Variants in COL4A1 observed in about 807,000 individuals in gnomAD.
The protein encoded by COL4A1 is collagen alpha-1(IV) chain.
A neutral mutation model predicts 216.6 loss-of-function variants in COL4A1; 40 were observed. That is an observed-to-expected ratio of 0.18 (90% CI 0.14 to 0.24). The LOEUF is 0.24. COL4A1 is among the 10% of genes least tolerant of loss of function. COL4A1 has a pLI of 1.00. For synonymous variants in COL4A1, 839 were observed against 810.7 expected (o/e 1.03, Z -0.59); for missense variants, 1,628 against 2,196.8 (o/e 0.74, Z 5.18).
chr13:110,221,036 T>A (rs1880453363), intron 2 of COL4A1, among the ~76,000 whole-genome samples: 1 of 152,206 alleles, frequency 6.6e-6, no homozygotes, highest in South Asian at 2.1e-4. Context: ...TCTCCAGGTG[T>A]CCATGTTCAA....
chr13:110,245,167 CG>C (rs1881741788), intron 1 of COL4A1, among the ~76,000 whole-genome samples: 1 of 152,092 alleles, frequency 6.6e-6, no homozygotes, highest in Non-Finnish European at 1.5e-5. Context: ...AGGGAAGAGC[CG>C]GGGACTCTGG....
At chr13:110,205,579 T>C (rs1182373428) in intron 15 of COL4A1, 41 bp from the exon 16 acceptor site, 6 of 1,607,090 alleles carry the variant, frequency 3.7e-6, no homozygotes, top group South Asian at 1.1e-5. Flanking sequence ...TAATAAATAA[T>C]AGACTGCGCG....
chr13:110,230,266 GT>G (rs1487828665), intron 2 of COL4A1, among the ~76,000 whole-genome samples: 3 of 151,906 alleles, frequency 2.0e-5, no homozygotes, highest in African/African-American at 7.2e-5. Flanking sequence ...GTGTGTATAT[GT>G]TATGTGTGTG....
In COL4A1 at chr13:110,201,198, C is replaced by T. The variant is rs3742205; in HGVS notation, c.1084+240G>A. 0.026 allele frequency among the ~76,000 whole-genome samples: 3,351 copies of T among 129,396 alleles called. 110 individuals carry two copies. The highest frequency in any genetic ancestry group is 0.078 in the African/African-American group (2,728 of 35,064). 84.9% of individuals were successfully genotyped at this position (129,396 alleles called of 152,430 possible). On this transcript the variant is annotated intron_variant, in intron 19 of 51. Coordinates refer to ENST00000375820, the MANE Select transcript of COL4A1 (RefSeq NM_001845.6). ...TGGAGGAACACAGGTCAAAACTAGA[C>T]AAAAAGAGGGGAAGAAATAGAAAGC...
At chr13:110,242,363 T>A (rs544097944) in intron 2 of COL4A1, among the ~76,000 whole-genome samples, 6 of 152,220 alleles carry the variant, frequency 3.9e-5, no homozygotes, top group African/African-American at 7.2e-5. Flanking sequence ...TTAGTTCTTA[T>A]ACATCAATTC....
chr13:110,184,604 T>C (rs564323573), intron 26 of COL4A1, among the ~76,000 whole-genome samples: 2 of 152,270 alleles, frequency 1.3e-5, no homozygotes, highest in East Asian at 3.9e-4. Context: ...GAGTAACAGT[T>C]ATGTTAGCAC....
At chr13:110,174,327 G>T in intron 39 of COL4A1, 119 bp downstream of exon 39, 3 of 1,085,524 alleles carry the variant, frequency 2.8e-6, no homozygotes, top group East Asian at 2.5e-5. Context: ...ATCTGAAGAT[G>T]GGAGACAGGA....
intron 1 of COL4A1, among the ~76,000 whole-genome samples, chr13:110,293,477 A>T (rs1444768822): frequency 1.3e-5 from 2 of 152,200 alleles, no homozygotes; most frequent in Non-Finnish European, 2.9e-5. Flanking sequence ...AACTAGAAAA[A>T]GTTGTATTAA....
In COL4A1 at chr13:110,216,540, A is replaced by G. The variant is rs116264534; in HGVS notation, c.145-2525T>C. 5.5e-3 allele frequency among the ~76,000 whole-genome samples: 836 copies of G among 152,326 alleles called. 7 individuals carry two copies. The highest frequency in any genetic ancestry group is 0.019 in the African/African-American group (776 of 41,578). ...ATACATTTGGTGGAGTATTTTTAGT[A>G]CTTAATTAATATGGGCAGTATCGCC... On this transcript the variant is annotated intron_variant, in intron 2 of 51. Coordinates refer to ENST00000375820, the MANE Select transcript of COL4A1 (RefSeq NM_001845.6).
chr13:110,192,130 T>A (rs569570553), intron 24 of COL4A1, 84 bp downstream of exon 24: 1 of 1,411,208 alleles, frequency 7.1e-7, no homozygotes, highest in South Asian at 1.2e-5. Context: ...GAAGCCATGC[T>A]TGCAAATGCA....
intron 23 of COL4A1, 96 bp from the exon 24 acceptor site, chr13:110,192,380 AG>A: frequency 8.9e-7 from 1 of 1,127,498 alleles, no homozygotes; most frequent in African/African-American, 1.5e-5. Context: ...AAATCTGTAT[AG>A]GAAGTGGATG....
chr13:110,183,356 G>T, intron 26 of COL4A1, 80 bp from the exon 27 acceptor site: 2 of 1,343,988 alleles, frequency 1.5e-6, no homozygotes, highest in Non-Finnish European at 2.1e-6. Context: ...CAGTGGGTGG[G>T]CTGCACGCCA....
At chr13:110,226,540 T>C (rs1338816586) in intron 2 of COL4A1, among the ~76,000 whole-genome samples, 2 of 152,216 alleles carry the variant, frequency 1.3e-5, no homozygotes, top group South Asian at 2.1e-4. Context: ...ATCTAAGAGA[T>C]AAGAACAGTT....
intron 2 of COL4A1, among the ~76,000 whole-genome samples, chr13:110,235,441 G>A (rs1180021820): frequency 6.6e-6 from 1 of 152,106 alleles, no homozygotes; most frequent in Non-Finnish European, 1.5e-5. Flanking sequence ...ACAAGGTCAG[G>A]AGATCGAGAC....
Position 110,177,034 on chromosome 13 carries a change from T to C in COL4A1, c.2720A>G (p.Asp907Gly). ...TCCTGAGGAGCCCGGAAAGCCATGG[T>C]CCCCTGCAGAGGAAAGAGAAGGCAC... ...GAPGLPGEKG[D>G]HGFPGSSGPR... is the part of the protein sequence containing the mutation. The change falls in exon 34 of 52, where the codon GAC becomes GGC. Residue 907 changes from aspartate (D) to glycine (G), a missense_variant. Transcript: ENST00000375820. 1 of 1,613,768 alleles carries C rather than the reference T, an allele frequency of 6.2e-7. No homozygotes were observed. The highest frequency in any genetic ancestry group is 8.5e-7 in the Non-Finnish European group (1 of 1,179,994).
chr13:110,176,140 C>T (rs1308862630), intron 36 of COL4A1, among the ~76,000 whole-genome samples: 1 of 152,202 alleles, frequency 6.6e-6, no homozygotes, highest in African/African-American at 2.4e-5. Flanking sequence ...TAGGGAGATC[C>T]TAGACAAGGG....
intron 2 of COL4A1, among the ~76,000 whole-genome samples, chr13:110,240,118 A>C (rs1189370481): frequency 6.6e-6 from 1 of 152,252 alleles, no homozygotes; most frequent in Non-Finnish European, 1.5e-5. Context: ...TTCTGAATCC[A>C]TTCAATCATC....
At chr13:110,167,876 C>A (rs1198244906) in intron 43 of COL4A1, among the ~76,000 whole-genome samples, 1 of 152,016 alleles carries the variant, frequency 6.6e-6, no homozygotes, top group Admixed American at 6.6e-5. Flanking sequence ...TGTTTCTTAG[C>A]CTTATTTTAA....
chr13:110,277,577 C>T (rs1222550585), intron 1 of COL4A1, among the ~76,000 whole-genome samples: 1 of 152,246 alleles, frequency 6.6e-6, no homozygotes, highest in Non-Finnish European at 1.5e-5. Flanking sequence ...TCTCTCGGAA[C>T]TGCTGTTCGG....
Sources: allele counts gnomAD v4.1 joint callset (sites outside exome capture counted in the v4.1 genomes callset), GRCh38; gene constraint gnomAD v4.1.1; transcripts MANE v1.5; gene names NCBI Gene and HGNC (gene_info 2026-07-23, HGNC 2026-07-21).